NSD2: variants seen among roughly 807,000 people sequenced by gnomAD.
NSD2 encodes the protein nuclear receptor binding SET domain protein 2.
Under a neutral mutation model 139.0 loss-of-function variants are expected in NSD2, and 12 were observed. The observed-to-expected ratio is 0.09, with a 90% confidence interval of 0.06 to 0.14. NSD2 has a LOEUF of 0.14. NSD2 is among the 10% of genes least tolerant of loss of function. The pLI, the probability that NSD2 is intolerant of heterozygous loss-of-function variation, is 1.00. For missense variants in NSD2, 1,155 were observed against 1,745.0 expected (o/e 0.66, Z 6.02); for synonymous variants, 669 against 648.7 (o/e 1.03, Z -0.48).
chr4:1,970,190 G>A (rs1456619029), intron 18 of NSD2, among the ~76,000 whole-genome samples: 2 of 152,200 alleles, frequency 1.3e-5, no homozygotes, highest in African/African-American at 2.4e-5. Flanking sequence ...ATTACTGGAC[G>A]CAACCAAGAA....
At chr4:1,945,701 C>T (rs1382724612) in intron 9 of NSD2, 5 of 1,063,370 alleles carry the variant, frequency 4.7e-6, no homozygotes, top group African/African-American at 1.6e-5. Flanking sequence ...CTCGTTTGAT[C>T]CAGTTGAGTT....
chr4:1,934,909 A>ATATATATATATAT (rs1491516751), intron 6 of NSD2, among the ~76,000 whole-genome samples: 2 of 117,484 alleles, frequency 1.7e-5, no homozygotes, highest in Middle Eastern at 4.3e-3. Context: ...ATATATATAT[A>ATATATATATATAT]AAAAACAGAT....
chr4:1,894,533 G>A (rs749746437), intron 1 of NSD2, among the ~76,000 whole-genome samples: 2 of 152,016 alleles, frequency 1.3e-5, no homozygotes, highest in Non-Finnish European at 2.9e-5. Flanking sequence ...ATTAGCCAGT[G>A]TGGTGGTGCA....
rs1205378904 is a variant in NSD2 at position 1,958,378 on chromosome 4, G to A, written c.2985+342G>A. Among the ~76,000 whole-genome samples, 1 of 152,232 alleles carries A rather than the reference G, an allele frequency of 6.6e-6. No homozygotes were observed. Among genetic ancestry groups the A allele is most frequent in the African/African-American group, 2.4e-5 (1 of 41,472 alleles). On this transcript the variant is annotated intron_variant, in intron 16 of 21. Transcript: ENST00000508803. This position sits in a 1 kb window ranked among gnomAD's most constrained non-coding sequence, Gnocchi z 4.6. ...AAGTGCTGGGAGTCAGTCACATACGGCCAGGGCTCAGTGACTGAGCCCCAA... is the reference window on the plus strand; with the variant it reads ...AAGTGCTGGGAGTCAGTCACATACGACCAGGGCTCAGTGACTGAGCCCCAA...
At chr4:1,878,252 T>TATA (rs869142339) in intron 1 of NSD2, among the ~76,000 whole-genome samples, 65 of 27,446 alleles carry the variant, frequency 2.4e-3, no homozygotes, top group Non-Finnish European at 2.8e-3. Flanking sequence ...TATATATATA[T>TATA]TTTTTTTTTT....
intron 9 of NSD2, chr4:1,943,189 G>T: frequency 9.6e-7 from 1 of 1,041,368 alleles, no homozygotes; most frequent in Non-Finnish European, 1.2e-6. Flanking sequence ...TAAGGAAAAG[G>T]CTTACTTGCC....
chr4:1,940,486 C>T (rs1722975781), intron 9 of NSD2: 1 of 1,064,158 alleles, frequency 9.4e-7, no homozygotes. Flanking sequence ...CAACAAATAG[C>T]CACAGAACGT....
At position 1,956,619 on chromosome 4, in the gene NSD2, C is replaced by G. The variant is rs1037701074; in HGVS notation, c.2881+431C>G. ...AGGTGCTTGGCCTCTGATTCCCCAG[C>G]TGGGGTGGGAGGCAGGAGCAACGAT... On this transcript the variant is annotated intron_variant, in intron 15 of 21. Coordinates refer to ENST00000508803, the MANE Select transcript of NSD2 (RefSeq NM_001042424.3). This position sits in a 1 kb window ranked among gnomAD's most constrained non-coding sequence, Gnocchi z 5.3. 6.6e-6 allele frequency among the ~76,000 whole-genome samples: 1 copy of G among 152,146 alleles called. No individual in the cohort carries two copies. Among genetic ancestry groups the G allele is most frequent in the Non-Finnish European group, 1.5e-5 (1 of 68,032 alleles).
Position 1,918,165 on chromosome 4 carries a change from T to C in NSD2, c.952T>C (p.Leu318=). The change falls in exon 5 of 22, where the codon TTG becomes CTG. Residue 318 remains leucine (L), a synonymous_variant. Transcript: ENST00000508803. The part of the protein sequence containing the change: ...IKLLKPISGK[L]RAQWEMGIVQ... The stretch of plus-strand genomic sequence containing the variant: ...GCTATTGAAACCAATTTCAGGGAAA[T>C]TGAGGGCCCAGTGGGAAATGGGCAT... 1 of 1,611,292 alleles carries C rather than the reference T, an allele frequency of 6.2e-7. No homozygotes were observed. The highest frequency in any genetic ancestry group is 8.5e-7 in the Non-Finnish European group (1 of 1,179,210).
chr4:1,951,991 T>G, intron 10 of NSD2, 117 bp from the exon 11 acceptor site: 1 of 1,487,392 alleles, frequency 6.7e-7, no homozygotes, highest in Non-Finnish European at 9.0e-7. Flanking sequence ...TTATATATCC[T>G]TGAGTAGCAA....
chr4:1,970,557 A>G (rs1229567648), intron 18 of NSD2, among the ~76,000 whole-genome samples: 3 of 152,144 alleles, frequency 2.0e-5, no homozygotes, highest in Non-Finnish European at 2.9e-5. Context: ...TGTTGCCCCC[A>G]CCAGAAGGGG....
chr4:1,933,172 G>A (rs577041638), intron 6 of NSD2, among the ~76,000 whole-genome samples: 6 of 152,342 alleles, frequency 3.9e-5, no homozygotes, highest in African/African-American at 1.4e-4. Flanking sequence ...CCCACGCTTT[G>A]GCTGCTGACT....
intron 9 of NSD2, chr4:1,946,535 C>T: frequency 9.9e-7 from 1 of 1,008,472 alleles, no homozygotes; most frequent in Non-Finnish European, 1.2e-6. Flanking sequence ...TCCCAAAATG[C>T]TGGGATTACA....
Position 1,981,117 on chromosome 4 carries a change from A to AT in NSD2, c.*2213dup, listed in dbSNP as rs1235320722. ...TGTTGGACAGTAGTGAAATCTTGTG[A>AT]TTTTTAATCGCTTTGATAATACTTC... On this transcript the variant is annotated 3_prime_UTR_variant, in exon 22 of 22. Coordinates refer to ENST00000508803, the MANE Select transcript of NSD2 (RefSeq NM_001042424.3). The AT allele has an allele frequency of 4.3e-6, 1 of 233,318 alleles. No homozygotes were observed. The highest frequency in any genetic ancestry group is 8.5e-6 in the Non-Finnish European group (1 of 118,050). The allele number at this position is 233,318 out of a possible 1,614,324, so 14.5% of individuals were successfully genotyped here.
intron 11 of NSD2, chr4:1,952,740 T>TA (rs1429864106): frequency 1.8e-6 from 2 of 1,081,902 alleles, no homozygotes; most frequent in Non-Finnish European, 2.2e-6. Context: ...TGCCTCCATG[T>TA]TACTGCATCA....
At position 1,918,303 on chromosome 4, in the gene NSD2, G is replaced by A; in HGVS notation, c.1090G>A (p.Gly364Ser). Residue 364 changes from glycine (G) to serine (S), a missense_variant, in exon 5 of 22, where the codon GGC (glycine) becomes AGC (serine). Gly to Ser is a moderately conservative substitution (Grantham distance 56). Transcript: ENST00000508803. ...HLNPQVAKEAGIAAESLGEMA... is the reference protein window; with the variant it reads ...HLNPQVAKEASIAAESLGEMA... ...CAACCCTCAAGTAGCCAAGGAGGCT[G>A]GCATTGCTGCAGAGTCTTTGGGAGA... 6.2e-7 allele frequency: 1 copy of A among 1,614,030 alleles called. No individual in the cohort carries two copies. Among genetic ancestry groups the A allele is most frequent in the Middle Eastern group, 1.6e-4 (1 of 6,062 alleles).
At position 1,939,785 on chromosome 4, in the gene NSD2, T is replaced by A. The variant is rs1396516257; in HGVS notation, c.1881+7T>A. 6.2e-7 allele frequency: 1 copy of A among 1,613,518 alleles called. No individual in the cohort carries two copies. The highest frequency in any genetic ancestry group is 2.2e-5 in the East Asian group (1 of 44,882). ...ATCCTTAACTGAGAATGAGGTAAAA[T>A]AATAATAATAACGATAACCATGGCA... On this transcript the variant is annotated splice_region_variant and intron_variant, in intron 9 of 21. Transcript: ENST00000508803.
At chr4:1,879,661 TGAGCCGTG>T (rs1714557966) in intron 1 of NSD2, among the ~76,000 whole-genome samples, 1 of 152,156 alleles carries the variant, frequency 6.6e-6, no homozygotes, top group African/African-American at 2.4e-5. Flanking sequence ...GCTCTTGTGA[TGAGCCGTG>T]CCCTGTCCCA....
chr4:1,885,535 T>C (rs774250392), intron 1 of NSD2, among the ~76,000 whole-genome samples: 12 of 152,210 alleles, frequency 7.9e-5, no homozygotes, highest in Admixed American at 5.2e-4. Context: ...TGTTGACATG[T>C]ATTTTGATAG....
Sources: gnomAD v4.1 joint callset for allele counts (sites outside exome capture counted in the v4.1 genomes callset) on GRCh38, gnomAD v4.1.1 for gene constraint, Gnocchi (gnomAD v3.1) non-coding constraint, MANE v1.5 for transcripts, NCBI Gene and HGNC (gene_info 2026-07-23, HGNC 2026-07-21) for gene names.